TMEM132D: variants seen among roughly 807,000 people sequenced by gnomAD.
TMEM132D encodes the protein mature OL transmembrane protein.
A neutral mutation model predicts 62.3 loss-of-function variants in TMEM132D; 21 were observed. That is an observed-to-expected ratio of 0.34 (90% CI 0.24 to 0.49). The LOEUF (loss-of-function observed/expected upper bound fraction) is 0.49. Ranked by LOEUF, TMEM132D falls within the 20% of genes least tolerant of loss-of-function variation. The probability of loss-of-function intolerance (pLI) is 0.99; values close to 1 mark genes in which losing one functional copy is unlikely to be tolerated. For synonymous variants in TMEM132D, 621 were observed against 575.6 expected, an observed-to-expected ratio of 1.08 and a Z score of -1.13; for missense variants, 1,346 against 1,402.8, an observed-to-expected ratio of 0.96 and a Z score of 0.65.
chr12:129,382,708 G>A (rs1870985569), intron 3 of TMEM132D, among the ~76,000 whole-genome samples: 1 of 152,110 alleles, frequency 6.6e-6, no homozygotes, highest in African/African-American at 2.4e-5. Flanking sequence ...AGAAAGCTGG[G>A]CTCTTTTTTA....
intron 1 of TMEM132D, among the ~76,000 whole-genome samples, chr12:129,728,703 C>G (rs945004256): frequency 1.3e-5 from 2 of 152,088 alleles, no homozygotes; most frequent in Non-Finnish European, 2.9e-5. Flanking sequence ...ATGATTAAAC[C>G]CCAGGGTTTC....
intron 1 of TMEM132D, among the ~76,000 whole-genome samples, chr12:129,851,989 G>C (rs549808310): frequency 6.6e-6 from 1 of 152,246 alleles, no homozygotes; most frequent in South Asian, 2.1e-4. Flanking sequence ...AAACATACAA[G>C]AACAGGTGGC....
At chr12:129,266,426 C>T (rs1413163552) in intron 4 of TMEM132D, among the ~76,000 whole-genome samples, 1 of 150,512 alleles carries the variant, frequency 6.6e-6, no homozygotes, top group African/African-American at 2.4e-5. Flanking sequence ...CCTGTTCTGC[C>T]CTTCCCCTCT....
intron 2 of TMEM132D, among the ~76,000 whole-genome samples, chr12:129,667,980 A>C (rs1277063429): frequency 6.6e-6 from 1 of 151,622 alleles, no homozygotes; most frequent in Non-Finnish European, 1.5e-5. Flanking sequence ...TGTTATCCAC[A>C]GACCATTGTT....
intron 1 of TMEM132D, among the ~76,000 whole-genome samples, chr12:129,834,441 C>T (rs1234070342): frequency 2.0e-5 from 3 of 151,818 alleles, no homozygotes; most frequent in East Asian, 3.9e-4. Context: ...CACCCCGCCC[C>T]CTCCCTCCCA....
At chr12:129,572,490 C>T (rs577926724) in intron 2 of TMEM132D, among the ~76,000 whole-genome samples, 1 of 152,178 alleles carries the variant, frequency 6.6e-6, no homozygotes, top group African/African-American at 2.4e-5. Context: ...CTCTTGTTGC[C>T]CAGGCTGGAG....
In TMEM132D at chr12:129,827,589, C is replaced by T. The variant is rs1158646715; in HGVS notation, c.79+75672G>A. Among the ~76,000 whole-genome samples the T allele has an allele frequency of 6.6e-5, 10 of 152,306 alleles. No homozygotes were observed. The highest frequency in any genetic ancestry group is 2.1e-4 in the South Asian group (1 of 4,828). The stretch of plus-strand genomic sequence containing the variant: ...TGCTGGAACCCACGTTCTGAGCCTG[C>T]GGTGTTTCCTGCTGTGGCAGTTCAC... On this transcript the variant is annotated intron_variant, in intron 1 of 8. Coordinates refer to ENST00000422113, the MANE Select transcript of TMEM132D (RefSeq NM_133448.3). The surrounding 1 kb of genome is among the most constrained non-coding windows in gnomAD (Gnocchi z 9.7).
At chr12:129,246,320 T>G (rs1348425059) in intron 4 of TMEM132D, among the ~76,000 whole-genome samples, 1 of 152,140 alleles carries the variant, frequency 6.6e-6, no homozygotes, top group African/African-American at 2.4e-5. Context: ...AAAGGCGGAA[T>G]GACGCATGCT....
At chr12:129,847,747 G>C (rs1052562408) in intron 1 of TMEM132D, among the ~76,000 whole-genome samples, 2 of 152,082 alleles carry the variant, frequency 1.3e-5, no homozygotes, top group African/African-American at 4.8e-5. Flanking sequence ...AAGCCTTAGA[G>C]ACTGGCAGCT....
Position 129,116,340 on chromosome 12 carries a change from T to C in TMEM132D, c.1444-31638A>G, listed in dbSNP as rs185557580. ...AAAGACAACAGCTGGCCAGTCCTAG[T>C]CATTTATTAGAGAGAAAGGCACATT... On this transcript the variant is annotated intron_variant, in intron 5 of 8. Transcript: ENST00000422113. 2.6e-5 allele frequency among the ~76,000 whole-genome samples: 4 copies of C among 152,294 alleles called. No individual in the cohort carries two copies. In the East Asian group the frequency reaches 7.7e-4, roughly 29 times the overall value.
chr12:129,478,933 CA>C (rs1189947745), intron 3 of TMEM132D, among the ~76,000 whole-genome samples: 3 of 152,168 alleles, frequency 2.0e-5, no homozygotes, highest in Admixed American at 1.3e-4. Flanking sequence ...AAAATAATTA[CA>C]AAAAAGACCT....
intron 2 of TMEM132D, among the ~76,000 whole-genome samples, chr12:129,603,399 T>C (rs1488300099): frequency 6.6e-6 from 1 of 152,238 alleles, no homozygotes; most frequent in South Asian, 2.1e-4. Flanking sequence ...TCTTACAGCA[T>C]GTAGTCTTTT....
intron 2 of TMEM132D, among the ~76,000 whole-genome samples, chr12:129,698,553 GGGGAGA>G (rs1881267907): frequency 1.4e-3 from 4 of 2,960 alleles, no homozygotes; most frequent in Admixed American, 4.7e-3. Flanking sequence ...GGGGAGGGGA[GGGGAGA>G]AGGGAGGGGA....
intron 1 of TMEM132D, among the ~76,000 whole-genome samples, chr12:129,896,112 G>A (rs756375332): frequency 7.3e-5 from 11 of 151,408 alleles, no homozygotes; most frequent in Admixed American, 2.0e-4. Context: ...TGGGACAACA[G>A]GCACACACCA....
At chr12:129,498,612 C>G (rs10847889) in intron 3 of TMEM132D, among the ~76,000 whole-genome samples, 66,395 of 152,002 alleles carry the variant, frequency 0.44, 15,396 homozygotes, top group Non-Finnish European at 0.52. Flanking sequence ...TCAGAATTCT[C>G]TACTGGTTAA....
At chr12:129,153,492 T>C (rs1263352965) in intron 5 of TMEM132D, among the ~76,000 whole-genome samples, 2 of 152,108 alleles carry the variant, frequency 1.3e-5, no homozygotes, top group Non-Finnish European at 2.9e-5. Context: ...CTCCAGGCTG[T>C]GCCGTGAAGA....
intron 3 of TMEM132D, among the ~76,000 whole-genome samples, chr12:129,416,416 T>C (rs967898966): frequency 1.3e-5 from 2 of 152,246 alleles, no homozygotes; most frequent in East Asian, 3.8e-4. Flanking sequence ...TCCTGAGAAT[T>C]TGCTGAAGTT....
At chr12:129,875,188 C>G (rs576876056) in intron 1 of TMEM132D, among the ~76,000 whole-genome samples, 2 of 152,224 alleles carry the variant, frequency 1.3e-5, no homozygotes, top group African/African-American at 2.4e-5. Context: ...GCTGAAAGTG[C>G]GTGCTGGCTG....
intron 2 of TMEM132D, among the ~76,000 whole-genome samples, chr12:129,650,702 C>A (rs1026643051): frequency 6.6e-6 from 1 of 152,128 alleles, no homozygotes; most frequent in Admixed American, 6.5e-5. Context: ...ATTTCCATGG[C>A]TTTCATTTAA....
Sources: gnomAD v4.1 joint callset for allele counts (sites outside exome capture counted in the v4.1 genomes callset) on GRCh38, gnomAD v4.1.1 for gene constraint, Gnocchi (gnomAD v3.1) non-coding constraint, MANE v1.5 for transcripts, NCBI Gene and HGNC (gene_info 2026-07-23, HGNC 2026-07-21) for gene names.